Variants in MYZAP observed in about 807,000 individuals in gnomAD.
MYZAP encodes myocardial zonula adherens protein, also known as GRINL1A complex locus upstream.
A neutral mutation model predicts 69.4 loss-of-function variants in MYZAP; 66 were observed. The ratio of observed to expected loss-of-function variants is 0.95; its 90% CI spans 0.78 to 1.17. MYZAP has a LOEUF of 1.17. Ranked by LOEUF, MYZAP falls within the 50% of genes most tolerant of loss-of-function variation. The pLI, the probability that MYZAP is intolerant of heterozygous loss-of-function variation, is 0.00. For missense variants in MYZAP, 611 were observed against 556.2 expected (o/e 1.10, Z -0.99); for synonymous variants, 256 against 205.9 (o/e 1.24, Z -2.09).
chr15:57,656,100 C>T (rs189116226), intron 10 of MYZAP, among the ~76,000 whole-genome samples: 10 of 152,288 alleles, frequency 6.6e-5, no homozygotes, highest in African/African-American at 2.4e-4. Context: ...TCAAAGGTGC[C>T]TAATGGATTT....
At position 57,683,262 on chromosome 15, in the gene MYZAP, A is replaced by C. The variant is rs77206373; in HGVS notation, c.1305-1140A>C. On this transcript the variant is annotated intron_variant, in intron 12 of 12. Coordinates refer to ENST00000267853, the MANE Select transcript of MYZAP (RefSeq NM_001018100.5). ...AATGTCCCGACCTCTTTGTCCTCTCATTCCCTGATCCCCTGCTACCACCTT... is the reference window on the plus strand; with the variant it reads ...AATGTCCCGACCTCTTTGTCCTCTCCTTCCCTGATCCCCTGCTACCACCTT... Among the ~76,000 whole-genome samples the C allele has an allele frequency of 8.4e-4, 128 of 152,290 alleles. 1 individual carries two copies. In the East Asian group the frequency reaches 0.02, roughly 24 times the overall value.
At chr15:57,614,472 A>G (rs2922221) in intron 2 of MYZAP, among the ~76,000 whole-genome samples, 120,306 of 152,222 alleles carry the variant, frequency 0.79, 47,966 homozygotes, top group East Asian at 0.93. Context: ...AAGGGTCAGG[A>G]AAGGCGTTCT....
chr15:57,657,989 TTAAC>T (rs756142278), intron 10 of MYZAP, among the ~76,000 whole-genome samples: 2 of 152,170 alleles, frequency 1.3e-5, no homozygotes, highest in South Asian at 2.1e-4. Flanking sequence ...GGTGATGTCT[TTAAC>T]TATTATTAAC....
chr15:57,602,939 A>G (rs2034509457), intron 1 of MYZAP, among the ~76,000 whole-genome samples: 1 of 152,148 alleles, frequency 6.6e-6, no homozygotes, highest in Non-Finnish European at 1.5e-5. Context: ...ATAGTAGTCC[A>G]TTTTTCCCTC....
chr15:57,665,265 G>A (rs912985783), intron 11 of MYZAP, among the ~76,000 whole-genome samples: 15 of 152,366 alleles, frequency 9.8e-5, no homozygotes, highest in African/African-American at 2.9e-4. Flanking sequence ...CATCCTGGGA[G>A]GGTGAGGCTG....
chr15:57,644,206 A>T (rs2037323563), intron 10 of MYZAP, among the ~76,000 whole-genome samples: 1 of 152,152 alleles, frequency 6.6e-6, no homozygotes, highest in African/African-American at 2.4e-5. Flanking sequence ...GCTGGGTTTC[A>T]TGTTCATGCA....
At chr15:57,652,320 C>T (rs1481799366) in intron 10 of MYZAP, among the ~76,000 whole-genome samples, 1 of 152,166 alleles carries the variant, frequency 6.6e-6, no homozygotes, top group Non-Finnish European at 1.5e-5. Context: ...ACTCTTCTTT[C>T]ATGCTGCATT....
intron 10 of MYZAP, among the ~76,000 whole-genome samples, chr15:57,654,263 A>C (rs1276756612): frequency 6.6e-6 from 1 of 151,968 alleles, no homozygotes; most frequent in African/African-American, 2.4e-5. Flanking sequence ...TTAGTGTGAC[A>C]TCTTCTGTTA....
chr15:57,621,061 A>G lies in MYZAP; in HGVS notation c.319-547A>G, dbSNP rs1481496856. ...CTATATATTTTATTATGTATATAAAATATATACATAATAAAATTATATATA... is the reference window on the plus strand; with the variant it reads ...CTATATATTTTATTATGTATATAAAGTATATACATAATAAAATTATATATA... On this transcript the variant is annotated intron_variant, in intron 3 of 12. Coordinates refer to ENST00000267853, the MANE Select transcript of MYZAP (RefSeq NM_001018100.5). Among the ~76,000 whole-genome samples, 3 of 148,056 alleles carry G rather than the reference A, an allele frequency of 2.0e-5. 1 individual carries two copies. The highest frequency in any genetic ancestry group is 4.2e-4 in the South Asian group (2 of 4,808).
chr15:57,621,757 C>G, intron 4 of MYZAP, 57 bp downstream of exon 4: 1 of 1,542,130 alleles, frequency 6.5e-7, no homozygotes, highest in Non-Finnish European at 8.9e-7. Flanking sequence ...TCAGAGTGGT[C>G]CCTCAGTGGC....
At chr15:57,646,730 A>C (rs1249007656) in intron 10 of MYZAP, 2 of 986,452 alleles carry the variant, frequency 2.0e-6, no homozygotes, top group South Asian at 9.4e-5. Flanking sequence ...GTCCTTCCTG[A>C]ATGGATATCA....
intron 2 of MYZAP, among the ~76,000 whole-genome samples, 185 bp downstream of exon 2, chr15:57,604,540 G>A (rs367740908): frequency 1.3e-5 from 2 of 152,220 alleles, no homozygotes; most frequent in East Asian, 3.9e-4. Flanking sequence ...TCCCTAGCCG[G>A]CTCTGCCACC....
chr15:57,684,392 C>T lies in MYZAP; in HGVS notation c.1305-10C>T. ...TTCATTTTCCTGACCTGCATTTTCT[C>T]ATTTCTCAGCCAAACAGGCAGGACT... On this transcript the variant is annotated splice_polypyrimidine_tract_variant and intron_variant, in intron 12 of 12. Transcript: ENST00000267853. 1 of 1,602,894 alleles carries T rather than the reference C, an allele frequency of 6.2e-7. No homozygotes were observed. The highest frequency in any genetic ancestry group is 8.5e-7 in the Non-Finnish European group (1 of 1,171,130).
At position 57,684,724 on chromosome 15, in the gene MYZAP, C is replaced by T. The variant is rs143033202; in HGVS notation, c.*226C>T. The T allele has an allele frequency of 3.7e-3, 1,534 of 410,202 alleles. 22 individuals are homozygous for T. Among genetic ancestry groups the T allele is most frequent in the African/African-American group, 0.028 (1,360 of 49,130 alleles). 25.4% of individuals were successfully genotyped at this position (410,202 alleles called of 1,614,324 possible). On this transcript the variant is annotated 3_prime_UTR_variant, in exon 13 of 13. Transcript: ENST00000267853. ...CATTTCAGACACCCACTCGGCATAC[C>T]CTGCCGTACTGCATCATCATTTGTT...
chr15:57,652,016 A>G (rs1049924609), intron 10 of MYZAP, among the ~76,000 whole-genome samples: 1 of 152,168 alleles, frequency 6.6e-6, no homozygotes, highest in African/African-American at 2.4e-5. Context: ...TTCTATTATT[A>G]TATATTACTT....
At position 57,684,598 on chromosome 15, in the gene MYZAP, G is replaced by A. The variant is rs369449278; in HGVS notation, c.*100G>A. 4.0e-6 allele frequency: 3 copies of A among 740,904 alleles called. No homozygotes were observed. The highest frequency in any genetic ancestry group is 3.5e-5 in the African/African-American group (2 of 56,774). The allele number at this position is 740,904 out of a possible 1,614,324, so 45.9% of individuals were successfully genotyped here. A position where few individuals can be genotyped will look rare whatever the true frequency, so the allele number is the denominator to read the frequency against. ...GTGACTGTTGTTTCCCCTACACACA[G>A]TGTAAGCCGGAATGGGAATCGCTGA... is the stretch of plus-strand genomic sequence containing the variant. On this transcript the variant is annotated 3_prime_UTR_variant, in exon 13 of 13. Coordinates refer to ENST00000267853, the MANE Select transcript of MYZAP (RefSeq NM_001018100.5).
rs781598928 is a variant in MYZAP at position 57,675,045 on chromosome 15, A to T, written c.1281A>T (p.Gly427=). 2 of 1,613,202 alleles carry T rather than the reference A, an allele frequency of 1.2e-6. No homozygotes were observed. Among genetic ancestry groups the T allele is most frequent in the East Asian group, 4.5e-5 (2 of 44,852 alleles). The part of the protein sequence containing the change: ...AKTEVETREI[G]VGCDLLPSQT... ...CCGAAGTGGAAACCAGAGAGATAGGAGTGGGCTGTGATCTTCTACCCAGGT... is the reference window on the plus strand; with the variant it reads ...CCGAAGTGGAAACCAGAGAGATAGGTGTGGGCTGTGATCTTCTACCCAGGT... The change falls in exon 12 of 13, where the codon GGA becomes GGT. Residue 427 remains glycine (G), a synonymous_variant. Transcript: ENST00000267853.
intron 1 of MYZAP, among the ~76,000 whole-genome samples, chr15:57,603,507 CT>C (rs1201449246): frequency 4.6e-5 from 7 of 152,190 alleles, no homozygotes; most frequent in Non-Finnish European, 2.9e-5. Flanking sequence ...TCCTTACCCC[CT>C]GGTCACCACA....
intron 10 of MYZAP, among the ~76,000 whole-genome samples, chr15:57,641,611 G>A (rs1377015194): frequency 2.0e-5 from 3 of 152,032 alleles, no homozygotes; most frequent in African/African-American, 7.2e-5. Flanking sequence ...ACCCCCTAGG[G>A]GCTGGCTGGG....
Sources: allele counts gnomAD v4.1 joint callset (sites outside exome capture counted in the v4.1 genomes callset), GRCh38; gene constraint gnomAD v4.1.1; transcripts MANE v1.5; gene names NCBI Gene and HGNC (gene_info 2026-07-23, HGNC 2026-07-21).